Variants in CEP112 observed in about 807,000 individuals in gnomAD.
CEP112 encodes the protein centrosomal protein of 112 kDa.
CEP112 carries 127 observed loss-of-function variants against 153.0 expected under a neutral mutation model. The ratio of observed to expected loss-of-function variants is 0.83; its 90% confidence interval spans 0.72 to 0.96. CEP112 has a LOEUF of 0.96. Ranked by LOEUF, CEP112 falls within the 40% of genes least tolerant of loss-of-function variation. The pLI, the probability that CEP112 is intolerant of heterozygous loss-of-function variation, is 0.00. For missense variants in CEP112, 1,089 were observed against 1,101.2 expected (o/e 0.99, Z 0.16); for synonymous variants, 358 against 374.4 (o/e 0.96, Z 0.51).
At chr17:65,843,082 CT>C (rs2057584745) in intron 21 of CEP112, among the ~76,000 whole-genome samples, 1 of 152,044 alleles carries the variant, frequency 6.6e-6, no homozygotes, top group Non-Finnish European at 1.5e-5. Flanking sequence ...ATTATAACCC[CT>C]GTCATAGTCA....
chr17:66,066,973 GA>G, intron 9 of CEP112, 96 bp from the exon 10 acceptor site: 1 of 706,130 alleles, frequency 1.4e-6, no homozygotes, highest in Non-Finnish European at 2.0e-6. Context: ...AACATAAATA[GA>G]AAAAGTGATT....
At chr17:65,779,002 T>TA (rs66515747) in intron 21 of CEP112, among the ~76,000 whole-genome samples, 4,501 of 151,488 alleles carry the variant, frequency 0.03, 215 homozygotes, top group African/African-American at 0.1. Context: ...CTTATCTCTT[T>TA]AAAAAAAAAG....
intron 21 of CEP112, among the ~76,000 whole-genome samples, chr17:65,840,045 C>T (rs1397360758): frequency 6.6e-6 from 1 of 152,080 alleles, no homozygotes; most frequent in Non-Finnish European, 1.5e-5. Context: ...ACTCCATGCT[C>T]ATGGATTGGA....
intron 18 of CEP112, among the ~76,000 whole-genome samples, chr17:65,933,913 G>T (rs756104962): frequency 1.3e-5 from 2 of 152,214 alleles, no homozygotes; most frequent in Admixed American, 1.3e-4. Context: ...GGGAGGCCAG[G>T]TGTGGTGACT....
intron 21 of CEP112, among the ~76,000 whole-genome samples, chr17:65,795,629 T>C (rs2145769874): frequency 6.6e-6 from 1 of 152,104 alleles, no homozygotes; most frequent in South Asian, 2.1e-4. Flanking sequence ...CTGGCCAACA[T>C]GGCAAAACCT....
At chr17:65,672,477 G>C (rs1285373256) in intron 24 of CEP112, among the ~76,000 whole-genome samples, 1 of 152,154 alleles carries the variant, frequency 6.6e-6, no homozygotes, top group Non-Finnish European at 1.5e-5. Context: ...TTTTTAAAAA[G>C]ATGATGAGAG....
At chr17:65,969,975 G>A (rs57195681) in intron 17 of CEP112, among the ~76,000 whole-genome samples, 10,087 of 152,176 alleles carry the variant, frequency 0.066, 490 homozygotes, top group African/African-American at 0.12. Context: ...TGTATAACAT[G>A]CATATCACAC....
intron 4 of CEP112, among the ~76,000 whole-genome samples, chr17:66,153,953 A>G (rs142385279): frequency 9.8e-4 from 148 of 151,150 alleles, no homozygotes; most frequent in African/African-American, 3.5e-3. Context: ...GCTTGAGGTC[A>G]GGAGTTCGAG....
At position 66,083,934 on chromosome 17, in the gene CEP112, ATATT is replaced by A. The variant is rs540586115; in HGVS notation, c.768+12313_768+12316del. Among the ~76,000 whole-genome samples, 13 of 152,314 alleles carry A rather than the reference ATATT, an allele frequency of 8.5e-5. No individual in the cohort carries two copies. In the South Asian group the frequency reaches 2.7e-3, roughly 32 times the overall value. On this transcript the variant is annotated intron_variant, in intron 8 of 26. Transcript: ENST00000535342. ...CAGCAAAACCTCTGAAAGAGATCTA[ATATT>A]TAAATAGAAAAATAAAATTTTTAAA...
At chr17:65,865,333 C>T (rs1040455690) in intron 20 of CEP112, among the ~76,000 whole-genome samples, 5 of 151,358 alleles carry the variant, frequency 3.3e-5, no homozygotes, top group South Asian at 2.1e-4. Context: ...TGAGCCACTG[C>T]GCCCAGCCAA....
intron 1 of CEP112, among the ~76,000 whole-genome samples, chr17:66,184,076 C>T (rs148404654): frequency 1.3e-3 from 194 of 151,966 alleles, no homozygotes; most frequent in African/African-American, 4.5e-3. Flanking sequence ...TGGTGAGACC[C>T]CATCTCTACA....
intron 24 of CEP112, among the ~76,000 whole-genome samples, chr17:65,674,465 A>G (rs969919523): frequency 4.6e-5 from 7 of 152,210 alleles, no homozygotes; most frequent in African/African-American, 1.7e-4. Flanking sequence ...TGAGAAGCTG[A>G]ACAAATCTTT....
At chr17:65,934,998 C>A (rs748537374) in intron 18 of CEP112, among the ~76,000 whole-genome samples, 2 of 152,144 alleles carry the variant, frequency 1.3e-5, no homozygotes, top group Non-Finnish European at 1.5e-5. Flanking sequence ...ATGAGACTCA[C>A]CCACTATCAA....
chr17:65,862,448 C>T (rs941525498), intron 20 of CEP112, among the ~76,000 whole-genome samples: 5 of 152,040 alleles, frequency 3.3e-5, no homozygotes, highest in African/African-American at 9.7e-5. Flanking sequence ...ATTAGCCGGG[C>T]GTGGTGGTGG....
At chr17:65,692,607 T>C (rs1425799375) in intron 23 of CEP112, among the ~76,000 whole-genome samples, 2 of 152,206 alleles carry the variant, frequency 1.3e-5, no homozygotes, top group Non-Finnish European at 2.9e-5. Flanking sequence ...TCCCACTCTG[T>C]ACTGATTTTC....
At chr17:65,819,146 A>G (rs2056411506) in intron 21 of CEP112, among the ~76,000 whole-genome samples, 1 of 151,940 alleles carries the variant, frequency 6.6e-6, no homozygotes. Flanking sequence ...CTACTGAAAA[A>G]TGTGGAGTCA....
At chr17:66,161,512 G>A (rs906018663) in intron 4 of CEP112, among the ~76,000 whole-genome samples, 5 of 152,006 alleles carry the variant, frequency 3.3e-5, no homozygotes, top group Admixed American at 1.3e-4. Context: ...ATAAAAAAAA[G>A]GATGAGTTCA....
chr17:65,781,861 T>G (rs1279909797), intron 21 of CEP112, among the ~76,000 whole-genome samples: 1 of 152,158 alleles, frequency 6.6e-6, no homozygotes. Context: ...TAACTCAAGA[T>G]AGATTAAAGA....
At chr17:66,117,033 A>G (rs757486781) in intron 6 of CEP112, among the ~76,000 whole-genome samples, 5 of 151,968 alleles carry the variant, frequency 3.3e-5, no homozygotes, top group Non-Finnish European at 7.4e-5. Context: ...TGCCTAGCTA[A>G]TTTTTGTATT....
Sources: gnomAD v4.1 joint callset for allele counts (sites outside exome capture counted in the v4.1 genomes callset) on GRCh38, gnomAD v4.1.1 for gene constraint, MANE v1.5 for transcripts, NCBI Gene and HGNC (gene_info 2026-07-23, HGNC 2026-07-21) for gene names.